FHOD3: variants seen among roughly 807,000 people sequenced by gnomAD.
FHOD3 encodes formin homology 2 domain containing 3.
A neutral mutation model predicts 173.0 loss-of-function variants in FHOD3; 90 were observed. That is an observed-to-expected ratio of 0.52 (90% CI 0.44 to 0.62). FHOD3 has a LOEUF of 0.62. Ranked by LOEUF, FHOD3 falls within the 20% of genes least tolerant of loss-of-function variation. FHOD3 has a pLI of 0.00. For missense variants in FHOD3, 1,945 were observed against 2,034.7 expected, an observed-to-expected ratio of 0.96 and a Z score of 0.85; for synonymous variants, 828 against 823.0, an observed-to-expected ratio of 1.01 and a Z score of -0.10.
intron 6 of FHOD3, among the ~76,000 whole-genome samples, chr18:36,592,111 C>T (rs1159864044): frequency 6.6e-6 from 1 of 152,150 alleles, no homozygotes; most frequent in African/African-American, 2.4e-5. Context: ...CCCAGCTATT[C>T]AGGAGGCTGA....
intron 24 of FHOD3, among the ~76,000 whole-genome samples, chr18:36,749,718 G>A (rs1187895008): frequency 1.3e-5 from 2 of 152,092 alleles, no homozygotes; most frequent in Admixed American, 6.5e-5. Flanking sequence ...TTGCTGGGTC[G>A]AATGGAAGTT....
chr18:36,667,890 T>C (rs556418964), intron 14 of FHOD3, among the ~76,000 whole-genome samples: 19 of 152,322 alleles, frequency 1.2e-4, no homozygotes, highest in Non-Finnish European at 2.6e-4. Flanking sequence ...CACTATCTTG[T>C]AGAACATTGT....
chr18:36,730,600 C>T (rs763623000), intron 19 of FHOD3, 46 bp from the exon 20 acceptor site: 2 of 1,582,574 alleles, frequency 1.3e-6, no homozygotes, highest in Non-Finnish European at 1.7e-6. Flanking sequence ...GCAGAAAGGA[C>T]CCAAGATGAT....
chr18:36,719,506 T>A (rs1244600526), intron 19 of FHOD3, among the ~76,000 whole-genome samples: 1 of 152,234 alleles, frequency 6.6e-6, no homozygotes, highest in Non-Finnish European at 1.5e-5. Flanking sequence ...TAGCTGACTT[T>A]TAAAAACCCA....
chr18:36,547,603 A>G (rs1306813749), intron 5 of FHOD3, among the ~76,000 whole-genome samples: 1 of 152,152 alleles, frequency 6.6e-6, no homozygotes, highest in Non-Finnish European at 1.5e-5. Flanking sequence ...AAGGACAAGG[A>G]ACATAAGCAT....
In FHOD3 at chr18:36,612,058, C is replaced by G. The variant is rs773570148; in HGVS notation, c.920C>G (p.Thr307Ser). The change falls in exon 9 of 29, where the codon ACT becomes AGT. Residue 307 changes from threonine (T) to serine (S), a missense_variant. This residue lies in a region of FHOD3 where 1,099 missense variants were observed against 1,051.2 expected (regional missense o/e 1.05). Coordinates refer to ENST00000590592, the MANE Select transcript of FHOD3 (RefSeq NM_001281740.3). Reference sequence around the variant, plus strand: ...CAGAGGCACTTGAACAAGAAAGGGACTGACCTGGACTTAGTGGAGCAACTC... The same window carrying G: ...CAGAGGCACTTGAACAAGAAAGGGAGTGACCTGGACTTAGTGGAGCAACTC... ...VSQRHLNKKG[T>S]DLDLVEQLNI... 44 of 1,614,050 alleles carry G rather than the reference C, an allele frequency of 2.7e-5. No homozygotes were observed. The highest frequency in any genetic ancestry group is 3.6e-5 in the Non-Finnish European group (43 of 1,180,042).
At chr18:36,479,853 G>A (rs920667038) in intron 3 of FHOD3, among the ~76,000 whole-genome samples, 52 of 152,126 alleles carry the variant, frequency 3.4e-4, no homozygotes, top group Admixed American at 2.4e-3. Context: ...GCCCTGCCAC[G>A]CATTTTCCCT....
At chr18:36,720,295 T>G (rs1468512447) in intron 19 of FHOD3, among the ~76,000 whole-genome samples, 1 of 145,492 alleles carries the variant, frequency 6.9e-6, no homozygotes, top group African/African-American at 2.6e-5. Flanking sequence ...TGGAGTGCAG[T>G]GGTGTGATCT....
At chr18:36,742,161 G>C (rs1381299044) in intron 21 of FHOD3, among the ~76,000 whole-genome samples, 1 of 152,146 alleles carries the variant, frequency 6.6e-6, no homozygotes, top group Non-Finnish European at 1.5e-5. Flanking sequence ...AATAACAGCA[G>C]TGAGGGTGGG....
chr18:36,684,797 GT>G (rs928787574), intron 15 of FHOD3, among the ~76,000 whole-genome samples: 2 of 151,854 alleles, frequency 1.3e-5, no homozygotes, highest in Non-Finnish European at 2.9e-5. Flanking sequence ...GAGTGCATTG[GT>G]TTTTTTTGTT....
chr18:36,698,801 C>A (rs970566610), intron 17 of FHOD3, among the ~76,000 whole-genome samples: 1 of 152,158 alleles, frequency 6.6e-6, no homozygotes, highest in Non-Finnish European at 1.5e-5. Context: ...ATAGCAATAG[C>A]CAGAATATCA....
chr18:36,746,316 G>T (rs2042155388), intron 23 of FHOD3, among the ~76,000 whole-genome samples: 1 of 152,144 alleles, frequency 6.6e-6, no homozygotes, highest in Non-Finnish European at 1.5e-5. Flanking sequence ...ATCACCTGTG[G>T]GTACAGTTAG....
At chr18:36,601,609 C>T (rs982798430) in intron 7 of FHOD3, among the ~76,000 whole-genome samples, 1 of 152,182 alleles carries the variant, frequency 6.6e-6, no homozygotes, top group African/African-American at 2.4e-5. Context: ...CCAAAATCAG[C>T]TCTGACATAG....
intron 18 of FHOD3, chr18:36,710,391 C>T (rs1455847866): frequency 6.6e-6 from 1 of 152,208 alleles, no homozygotes; most frequent in Non-Finnish European, 1.5e-5. Flanking sequence ...TATGACACCT[C>T]TACAAAGGCC....
At chr18:36,703,764 C>T (rs1034189578) in intron 17 of FHOD3, among the ~76,000 whole-genome samples, 9 of 152,248 alleles carry the variant, frequency 5.9e-5, no homozygotes, top group Non-Finnish European at 7.4e-5. Context: ...GTCCTCAGGC[C>T]GGCTCGTTCC....
chr18:36,446,165 G>A (rs2051459430), intron 3 of FHOD3, among the ~76,000 whole-genome samples: 1 of 152,200 alleles, frequency 6.6e-6, no homozygotes, highest in Non-Finnish European at 1.5e-5. Flanking sequence ...GCGAGCAAGT[G>A]TTTGAAAACC....
chr18:36,485,023 T>C (rs1449838524), intron 3 of FHOD3, among the ~76,000 whole-genome samples: 2 of 152,188 alleles, frequency 1.3e-5, no homozygotes, highest in African/African-American at 4.8e-5. Flanking sequence ...CACGTGCTTC[T>C]ATCTGCTCTA....
At chr18:36,675,772 C>G (rs1164331611) in intron 14 of FHOD3, among the ~76,000 whole-genome samples, 1 of 152,180 alleles carries the variant, frequency 6.6e-6, no homozygotes, top group Non-Finnish European at 1.5e-5. Context: ...ATTCATCAGA[C>G]AGTGAGGCTC....
intron 1 of FHOD3, among the ~76,000 whole-genome samples, chr18:36,343,181 G>T (rs1295956317): frequency 6.6e-6 from 1 of 152,190 alleles, no homozygotes; most frequent in African/African-American, 2.4e-5. Context: ...GAAAGCATAT[G>T]TCTACATAAA....
Sources: allele counts gnomAD v4.1 joint callset (sites outside exome capture counted in the v4.1 genomes callset), GRCh38; gene constraint gnomAD v4.1.1; regional missense constraint gnomAD v4.1.1; transcripts MANE v1.5; gene names NCBI Gene and HGNC (gene_info 2026-07-23, HGNC 2026-07-21).